The following SOX6 variants were observed in gnomAD, a reference collection of about 807,000 sequenced individuals.
The protein encoded by SOX6 is SRY-box transcription factor 6.
Under a neutral mutation model 97.8 loss-of-function variants are expected in SOX6, and 11 were observed. The observed-to-expected ratio is 0.11, with a 90% CI of 0.07 to 0.19. SOX6 has a LOEUF of 0.19. Ranked by LOEUF, SOX6 falls within the 10% of genes least tolerant of loss-of-function variation. The pLI is 1.00. For missense variants in SOX6, 810 were observed against 1,039.5 expected (o/e 0.78, Z 3.04); for synonymous variants, 360 against 371.4 (o/e 0.97, Z 0.35).
intron 4 of SOX6, among the ~76,000 whole-genome samples, chr11:16,568,049 C>T (rs529127824): frequency 3.9e-5 from 6 of 152,146 alleles, no homozygotes; most frequent in Middle Eastern, 3.4e-3. Flanking sequence ...GGTTTATGTA[C>T]ACAGATTTTG....
chr11:15,984,809 T>C (rs920281020), intron 15 of SOX6, among the ~76,000 whole-genome samples: 4 of 152,226 alleles, frequency 2.6e-5, no homozygotes, highest in Non-Finnish European at 5.9e-5. Flanking sequence ...ATATAAAATA[T>C]GGTTTTCTGT....
intron 1 of SOX6, among the ~76,000 whole-genome samples, chr11:16,416,663 TTCTTC>T (rs915437842): frequency 6.6e-6 from 1 of 152,244 alleles, no homozygotes; most frequent in Non-Finnish European, 1.5e-5. Context: ...GAACTTTATA[TTCTTC>T]TCTTCTTAAC....
intron 1 of SOX6, among the ~76,000 whole-genome samples, chr11:16,382,593 C>T (rs534078813): frequency 6.6e-6 from 1 of 152,050 alleles, no homozygotes; most frequent in African/African-American, 2.4e-5. Context: ...AATGCTTTTA[C>T]CTAATATAGT....
intron 4 of SOX6, among the ~76,000 whole-genome samples, chr11:16,504,385 C>T (rs1217661806): frequency 8.6e-5 from 13 of 152,022 alleles, no homozygotes; most frequent in Non-Finnish European, 1.5e-4. Flanking sequence ...CCAACAAGTT[C>T]AGTGAAGTTT....
At chr11:16,360,701 C>T (rs1590157518), upstream of SOX6, among the ~76,000 whole-genome samples, 2 of 152,198 alleles carry the variant, frequency 1.3e-5, no homozygotes, top group South Asian at 4.2e-4. Context: ...CTCCAATATA[C>T]TCTAATAGTA....
At chr11:16,504,585 A>G (rs1860756705) in intron 4 of SOX6, among the ~76,000 whole-genome samples, 1 of 152,112 alleles carries the variant, frequency 6.6e-6, no homozygotes, top group Admixed American at 6.6e-5. Flanking sequence ...AATGAAGAGG[A>G]CACAAAAAAA....
At chr11:16,052,608 C>A (rs535829396) in intron 10 of SOX6, among the ~76,000 whole-genome samples, 1 of 152,202 alleles carries the variant, frequency 6.6e-6, no homozygotes, top group Admixed American at 6.5e-5. Flanking sequence ...TCTCATTATT[C>A]ATATATTTTG....
At chr11:16,418,650 T>A (rs1858970405) in intron 1 of SOX6, among the ~76,000 whole-genome samples, 2 of 146,016 alleles carry the variant, frequency 1.4e-5, no homozygotes, top group South Asian at 4.3e-4. Context: ...TCTATTACTG[T>A]GGGAAAAAAC....
At chr11:16,539,469 C>T (rs1259758867) in intron 4 of SOX6, among the ~76,000 whole-genome samples, 1 of 151,824 alleles carries the variant, frequency 6.6e-6, no homozygotes, top group African/African-American at 2.4e-5. Context: ...TAACTAAGAT[C>T]GGAGCAGAAC....
chr11:15,976,094 T>A (rs1264698156), intron 15 of SOX6, among the ~76,000 whole-genome samples: 1 of 152,126 alleles, frequency 6.6e-6, no homozygotes, highest in Non-Finnish European at 1.5e-5. Flanking sequence ...CAGGGGTTAC[T>A]CCCCACCTTG....
At chr11:16,722,081 G>C (rs1345565333) in intron 2 of SOX6, among the ~76,000 whole-genome samples, 2 of 151,984 alleles carry the variant, frequency 1.3e-5, no homozygotes, top group South Asian at 4.2e-4. Context: ...TAAAAACCCT[G>C]AAAGACAACC....
intron 13 of SOX6, among the ~76,000 whole-genome samples, chr11:15,989,737 T>C (rs556842891): frequency 3.5e-4 from 53 of 152,302 alleles, no homozygotes; most frequent in Middle Eastern, 3.4e-3. Flanking sequence ...CATGATTGAA[T>C]GAATTAATTC....
chr11:16,344,293 A>T (rs1199880279), intron 1 of SOX6, among the ~76,000 whole-genome samples: 14 of 151,826 alleles, frequency 9.2e-5, no homozygotes, highest in African/African-American at 2.7e-4. Flanking sequence ...TTTGTTATAA[A>T]ATGTGCACAA....
chr11:16,220,503 A>G (rs1265634804), intron 4 of SOX6, among the ~76,000 whole-genome samples: 2 of 152,004 alleles, frequency 1.3e-5, no homozygotes, highest in African/African-American at 2.4e-5. Context: ...GGTGACATGA[A>G]CTACGCTGTA....
intron 1 of SOX6, among the ~76,000 whole-genome samples, chr11:16,373,466 T>A (rs1172074090): frequency 6.6e-6 from 1 of 152,100 alleles, no homozygotes; most frequent in Non-Finnish European, 1.5e-5. Flanking sequence ...CTTTCACTAC[T>A]AAATAAACTT....
intron 7 of SOX6, among the ~76,000 whole-genome samples, chr11:16,103,149 G>C (rs1590197836): frequency 6.6e-6 from 1 of 151,724 alleles, no homozygotes; most frequent in East Asian, 1.9e-4. Context: ...CTAATATCCA[G>C]AATCTACAAA....
chr11:16,566,946 G>A (rs959729058), intron 4 of SOX6, among the ~76,000 whole-genome samples: 1 of 152,178 alleles, frequency 6.6e-6, no homozygotes, highest in Non-Finnish European at 1.5e-5. Flanking sequence ...ATAGATGAAT[G>A]GATAACCAAA....
intron 3 of SOX6, among the ~76,000 whole-genome samples, chr11:16,658,091 G>A (rs193194192): frequency 1.4e-4 from 22 of 152,110 alleles, no homozygotes; most frequent in Admixed American, 9.2e-4. Flanking sequence ...TTCCAATGTG[G>A]CTATACAATG....
At chr11:16,319,380 A>C (rs1855845054) in intron 2 of SOX6, among the ~76,000 whole-genome samples, 1 of 152,020 alleles carries the variant, frequency 6.6e-6, no homozygotes, top group African/African-American at 2.4e-5. Flanking sequence ...TATTATTATT[A>C]TACTTTAAGT....
Sources: gnomAD v4.1 joint callset for allele counts (sites outside exome capture counted in the v4.1 genomes callset) on GRCh38, gnomAD v4.1.1 for gene constraint, MANE v1.5 for transcripts, NCBI Gene and HGNC (gene_info 2026-07-23, HGNC 2026-07-21) for gene names.